ADGB: variants seen among roughly 807,000 people sequenced by gnomAD.
ADGB encodes the protein calpain-7-like protein.
In ADGB, 172 loss-of-function variants were observed where a neutral mutation model predicts 210.5. That is an observed-to-expected ratio of 0.82 (90% CI 0.72 to 0.93). ADGB has a LOEUF of 0.93. Ranked by LOEUF, ADGB falls within the 40% of genes least tolerant of loss-of-function variation. The pLI, the probability that ADGB is intolerant of heterozygous loss-of-function variation, is 0.00. For missense variants in ADGB, 2,025 were observed against 1,964.8 expected, an observed-to-expected ratio of 1.03 and a Z score of -0.58; for synonymous variants, 658 against 662.7, an observed-to-expected ratio of 0.99 and a Z score of 0.11.
At chr6:146,735,301 C>A (rs1233946344) in intron 22 of ADGB, among the ~76,000 whole-genome samples, 1 of 152,100 alleles carries the variant, frequency 6.6e-6, no homozygotes, top group Non-Finnish European at 1.5e-5. Flanking sequence ...TCTTACAGTT[C>A]TGAAGGCTGG....
In ADGB at chr6:146,728,648, T is replaced by C; in HGVS notation, c.2427T>C (p.Asp809=). ...GAAATGTGATTGCTAATTTCAAAGA[T>C]AAGGGTAAACTCTCTGCAGCTTTGA... ...AIGNVIANFK[D]KGKLSAALKD... Residue 809 remains aspartate (D), a synonymous_variant, in exon 20 of 36, where the codon GAT becomes GAC. Transcript: ENST00000397944. 6.4e-7 allele frequency: 1 copy of C among 1,551,620 alleles called. No individual in the cohort carries two copies. Among genetic ancestry groups the C allele is most frequent in the African/African-American group, 1.4e-5 (1 of 73,154 alleles).
At position 146,712,189 on chromosome 6, in the gene ADGB, T is replaced by G. The variant is rs895621705; in HGVS notation, c.1708-3193T>G. On this transcript the variant is annotated intron_variant, in intron 13 of 35. Coordinates refer to ENST00000397944, the MANE Select transcript of ADGB (RefSeq NM_024694.4). Reference sequence around the variant, plus strand: ...CTTGGTATGGGTTTTGTTTTGTTTTTTTTTGTTTTGTTTGAGACAGAGTCT... The same window carrying G: ...CTTGGTATGGGTTTTGTTTTGTTTTGTTTTGTTTTGTTTGAGACAGAGTCT... Among the ~76,000 whole-genome samples, 7 of 151,902 alleles carry G rather than the reference T, an allele frequency of 4.6e-5. No individual in the cohort carries two copies. In the East Asian group the frequency reaches 5.8e-4, roughly 13 times the overall value.
intron 35 of ADGB, among the ~76,000 whole-genome samples, chr6:146,806,203 A>G (rs1164282524): frequency 6.6e-6 from 1 of 152,224 alleles, no homozygotes; most frequent in African/African-American, 2.4e-5. Context: ...AAAAAATACT[A>G]AGACAGCTTT....
chr6:146,740,315 C>T, intron 23 of ADGB, 144 bp from the exon 24 acceptor site: 2 of 718,942 alleles, frequency 2.8e-6, no homozygotes, highest in Non-Finnish European at 4.4e-6. Context: ...AGGGACTACA[C>T]AGACCCCCTT....
Position 146,764,001 on chromosome 6 carries a change from T to C in ADGB, c.3651T>C (p.Gly1217=). ...AGGGAATTCAGAAATCCCCCAAGGGTAGAGCTGTAAGTGCAATACAAGACA... is the reference window on the plus strand; with the variant it reads ...AGGGAATTCAGAAATCCCCCAAGGGCAGAGCTGTAAGTGCAATACAAGACA... The part of the protein sequence containing the change: ...AAQGIQKSPK[G]RAVSAIQDIG... The change falls in exon 28 of 36, where the codon GGT becomes GGC. Residue 1217 remains glycine (G), a synonymous_variant. Transcript: ENST00000397944. 1.3e-6 allele frequency: 2 copies of C among 1,551,472 alleles called. No individual in the cohort carries two copies. Among genetic ancestry groups the C allele is most frequent in the African/African-American group, 1.4e-5 (1 of 73,142 alleles).
intron 13 of ADGB, among the ~76,000 whole-genome samples, chr6:146,704,867 A>G (rs1193772953): frequency 1.3e-5 from 2 of 152,106 alleles, no homozygotes; most frequent in South Asian, 2.1e-4. Context: ...CTAGTATGTG[A>G]AAAATCTCAT....
At chr6:146,790,267 G>T (rs551938806) in intron 33 of ADGB, among the ~76,000 whole-genome samples, 1 of 152,086 alleles carries the variant, frequency 6.6e-6, no homozygotes, top group Non-Finnish European at 1.5e-5. Flanking sequence ...CTATGCAATA[G>T]AACACCAGAA....
At chr6:146,751,003 G>A (rs1777312411) in intron 26 of ADGB, among the ~76,000 whole-genome samples, 1 of 152,102 alleles carries the variant, frequency 6.6e-6, no homozygotes, top group African/African-American at 2.4e-5. Context: ...TGGTGTACCT[G>A]TGCAAGATGT....
At chr6:146,757,560 A>G (rs1046302333) in intron 27 of ADGB, among the ~76,000 whole-genome samples, 35 of 151,972 alleles carry the variant, frequency 2.3e-4, no homozygotes, top group Non-Finnish European at 4.4e-4. Context: ...CAATACCCCA[A>G]TGGTCTTAGC....
At chr6:146,691,423 T>TATAA (rs1554231805) in intron 11 of ADGB, 133 bp downstream of exon 11, 1 of 47,162 alleles carries the variant, frequency 2.1e-5, no homozygotes, top group African/African-American at 1.8e-4. Flanking sequence ...TATATATATA[T>TATAA]ATATATATAT....
intron 8 of ADGB, among the ~76,000 whole-genome samples, chr6:146,674,247 T>C (rs1776054571): frequency 6.6e-6 from 1 of 152,094 alleles, no homozygotes; most frequent in African/African-American, 2.4e-5. Context: ...TAAACAACCC[T>C]GTGAGAAGCT....
intron 1 of ADGB, among the ~76,000 whole-genome samples, chr6:146,632,005 A>G (rs984364846): frequency 2.6e-5 from 4 of 152,004 alleles, no homozygotes; most frequent in Admixed American, 1.3e-4. Context: ...TTGGTTTCCA[A>G]GGTATCGCCT....
At chr6:146,619,415 GT>G (rs1780857761) in intron 1 of ADGB, among the ~76,000 whole-genome samples, 1 of 151,806 alleles carries the variant, frequency 6.6e-6, no homozygotes, top group African/African-American at 2.4e-5. Context: ...TTTGATACTT[GT>G]TTTTGGGATT....
intron 26 of ADGB, among the ~76,000 whole-genome samples, chr6:146,746,396 G>C (rs894513525): frequency 4.7e-4 from 71 of 152,126 alleles, no homozygotes; most frequent in African/African-American, 1.6e-3. Context: ...TTCTTCTTCT[G>C]CTCCATCTCT....
chr6:146,661,238 GGAGATA>G (rs1775852842), intron 5 of ADGB, among the ~76,000 whole-genome samples: 2 of 28,030 alleles, frequency 7.1e-5, no homozygotes, highest in Non-Finnish European at 1.9e-4. Context: ...TTTTTTTTTT[GGAGATA>G]GGGTCTGACT....
At chr6:146,673,585 C>G (rs1303626636) in intron 8 of ADGB, among the ~76,000 whole-genome samples, 2 of 152,082 alleles carry the variant, frequency 1.3e-5, no homozygotes, top group African/African-American at 4.8e-5. Flanking sequence ...AAAAGCAATT[C>G]TCTACTTTGA....
At chr6:146,662,380 T>C (rs2114891656) in intron 5 of ADGB, among the ~76,000 whole-genome samples, 1 of 152,272 alleles carries the variant, frequency 6.6e-6, no homozygotes, top group East Asian at 1.9e-4. Flanking sequence ...TCCAGTTCAC[T>C]AATTTCTATG....
intron 35 of ADGB, chr6:146,803,941 T>G (rs116340177): frequency 0.043 from 10,590 of 246,530 alleles, 285 homozygotes; most frequent in Middle Eastern, 0.12. Context: ...TAGCAATTGG[T>G]GGCAGCAGAT....
chr6:146,756,928 T>A (rs1446325762), intron 27 of ADGB, among the ~76,000 whole-genome samples: 1 of 151,948 alleles, frequency 6.6e-6, no homozygotes, highest in Non-Finnish European at 1.5e-5. Context: ...GATTTCATTA[T>A]GTTGGCCATG....
Sources: allele counts gnomAD v4.1 joint callset (sites outside exome capture counted in the v4.1 genomes callset), GRCh38; gene constraint gnomAD v4.1.1; transcripts MANE v1.5; gene names NCBI Gene and HGNC (gene_info 2026-07-23, HGNC 2026-07-21).